Variants in GNPTAB observed in about 807,000 individuals in gnomAD.
GNPTAB encodes N-acetylglucosamine-1-phosphotransferase subunits alpha/beta.
Under a neutral mutation model 136.6 loss-of-function variants are expected in GNPTAB, and 92 were observed. The observed-to-expected ratio is 0.67, with a 90% CI of 0.57 to 0.80. GNPTAB has a LOEUF of 0.80. Ranked by LOEUF, GNPTAB falls within the 30% of genes least tolerant of loss-of-function variation. The probability of loss-of-function intolerance (pLI) is 0.00; values close to 1 mark genes in which losing one functional copy is unlikely to be tolerated. For missense variants in GNPTAB, 1,343 were observed against 1,501.8 expected (o/e 0.89, Z 1.75); for synonymous variants, 512 against 535.1 (o/e 0.96, Z 0.60).
rs560321171 is a variant in GNPTAB at position 101,763,267 on chromosome 12, T to C, written c.2715+935A>G. ...GGAAAGGAAAGAAAATGGGGGAAAC[T>C]GAGGAAATAAACATAGTCAAGAACA... On this transcript the variant is annotated intron_variant, in intron 13 of 20. Coordinates refer to ENST00000299314, the MANE Select transcript of GNPTAB (RefSeq NM_024312.5). Among the ~76,000 whole-genome samples the C allele has an allele frequency of 1.1e-4, 16 of 148,272 alleles. No individual in the cohort carries two copies. In the South Asian group the frequency reaches 3.0e-3, roughly 28 times the overall value.
intron 1 of GNPTAB, among the ~76,000 whole-genome samples, chr12:101,802,692 C>T (rs1164792057): frequency 2.0e-5 from 3 of 152,324 alleles, no homozygotes; most frequent in Admixed American, 6.5e-5. Flanking sequence ...AGGCTCCAGG[C>T]TGTATTTAAA....
chr12:101,770,914 C>T lies in GNPTAB; in HGVS notation c.933+82G>A, dbSNP rs555519008. On this transcript the variant is annotated intron_variant, in intron 8 of 20. Coordinates refer to ENST00000299314, the MANE Select transcript of GNPTAB (RefSeq NM_024312.5). ...AACTCACCTCTCTGTAAGTCCCCTT[C>T]CCTCTTCTAATATAGTAACTTACAC... is the stretch of plus-strand genomic sequence containing the variant. The T allele has an allele frequency of 6.4e-5, 85 of 1,332,482 alleles. 2 individuals are homozygous for T. The South Asian group carries it at 9.8e-4, about 15-fold the overall frequency. 82.5% of individuals were successfully genotyped at this position (1,332,482 alleles called of 1,614,324 possible).
intron 4 of GNPTAB, among the ~76,000 whole-genome samples, chr12:101,788,240 G>A (rs1166910205): frequency 6.6e-6 from 1 of 152,098 alleles, no homozygotes; most frequent in Non-Finnish European, 1.5e-5. Flanking sequence ...GAAAATACTG[G>A]GTAGAAGATA....
At chr12:101,769,125 T>A (rs190350038) in intron 10 of GNPTAB, among the ~76,000 whole-genome samples, 71 of 152,000 alleles carry the variant, frequency 4.7e-4, no homozygotes, top group Non-Finnish European at 8.7e-4. Context: ...CTTCTAAGTT[T>A]ACGGTGATAA....
chr12:101,793,999 GC>G (rs1474343738), intron 2 of GNPTAB, among the ~76,000 whole-genome samples: 1 of 151,972 alleles, frequency 6.6e-6, no homozygotes, highest in Non-Finnish European at 1.5e-5. Flanking sequence ...AACCACCACC[GC>G]CCTGGCTAAT....
intron 2 of GNPTAB, among the ~76,000 whole-genome samples, chr12:101,795,701 C>T (rs1228295499): frequency 2.6e-5 from 4 of 151,444 alleles, no homozygotes; most frequent in Middle Eastern, 3.4e-3. Flanking sequence ...TGCAGTGAGC[C>T]GAAATCGTGC....
At chr12:101,790,881 CTTTTT>C (rs577915488) in intron 2 of GNPTAB, among the ~76,000 whole-genome samples, 1 of 148,546 alleles carries the variant, frequency 6.7e-6, no homozygotes, top group South Asian at 2.1e-4. Context: ...TCTGCTTTTC[CTTTTT>C]TTTTTCACAG....
At chr12:101,773,161 C>T (rs994254727) in intron 7 of GNPTAB, 6 of 257,768 alleles carry the variant, frequency 2.3e-5, no homozygotes, top group Admixed American at 9.9e-5. Context: ...ATCACAGCTT[C>T]GTTATCAATT....
intron 18 of GNPTAB, 81 bp from the exon 19 acceptor site, chr12:101,753,620 T>C (rs1952855695): frequency 8.9e-7 from 1 of 1,127,146 alleles, no homozygotes. Flanking sequence ...ATTCCAAATA[T>C]ATTTTAAATG....
Position 101,765,230 on chromosome 12 carries a change from G to A in GNPTAB, c.1687C>T (p.Leu563=). The stretch of plus-strand genomic sequence containing the variant: ...ACTTCTGCAAAGCTGAAATAAGGCA[G>A]GCATTCACCTTTTGGAATAATATAG... ...THYIIPKGEC[L]PYFSFAEVAK... The change falls in exon 13 of 21, where the codon CTG becomes TTG. Residue 563 remains leucine (L), a synonymous_variant. Transcript: ENST00000299314. 1 of 1,613,928 alleles carries A rather than the reference G, an allele frequency of 6.2e-7. No individual in the cohort carries two copies. The highest frequency in any genetic ancestry group is 8.5e-7 in the Non-Finnish European group (1 of 1,179,870).
At chr12:101,824,434 T>TATATATATA (rs1566103110) in intron 1 of GNPTAB, among the ~76,000 whole-genome samples, 1 of 67,972 alleles carries the variant, frequency 1.5e-5, no homozygotes, top group Non-Finnish European at 2.7e-5. Flanking sequence ...ATATATATAT[T>TATATATATA]TTCTTTTTTT....
chr12:101,830,593 A>G lies in GNPTAB; in HGVS notation c.83T>C (p.Val28Ala), dbSNP rs1198649464. ...CTGGAAGGCGGAGACGATGGTGACA[A>G]CGACGCCCAAGAAGCACACGTAGAG... is the stretch of plus-strand genomic sequence containing the variant. ...YGLYVCFLGV[V>A]VTIVSAFQFG... The change falls in exon 1 of 21, where the codon GTT becomes GCT. Residue 28 changes from valine (V) to alanine (A), a missense_variant. Coordinates refer to ENST00000299314, the MANE Select transcript of GNPTAB (RefSeq NM_024312.5). 2 of 1,612,690 alleles carry G rather than the reference A, an allele frequency of 1.2e-6. No homozygotes were observed. Among genetic ancestry groups the G allele is most frequent in the Non-Finnish European group, 1.7e-6 (2 of 1,179,096 alleles).
chr12:101,779,425 T>G (rs1953307011), intron 7 of GNPTAB: 1 of 152,742 alleles, frequency 6.5e-6, no homozygotes, highest in Admixed American at 6.5e-5. Context: ...ATGTCCTAAG[T>G]CAATCAGATA....
chr12:101,764,112 G>C (rs1326285933), intron 13 of GNPTAB, 90 bp downstream of exon 13: 5 of 1,548,712 alleles, frequency 3.2e-6, no homozygotes, highest in Non-Finnish European at 4.4e-6. Context: ...GCACAGGGAA[G>C]TGCTGAATAA....
At position 101,786,007 on chromosome 12, in the gene GNPTAB, C is replaced by A. The variant is rs1350920642; in HGVS notation, c.571+5G>T. 1 of 1,595,894 alleles carries A rather than the reference C, an allele frequency of 6.3e-7. No individual in the cohort carries two copies. The highest frequency in any genetic ancestry group is 1.7e-5 in the Admixed American group (1 of 59,908). On this transcript the variant is annotated splice_donor_5th_base_variant and intron_variant, in intron 5 of 20. Coordinates refer to ENST00000299314, the MANE Select transcript of GNPTAB (RefSeq NM_024312.5). ...GATTTTAAAATATCCATAAAAAGAT[C>A]TTACCATCCTTAGTACTGTCAAAAA... is the stretch of plus-strand genomic sequence containing the variant.
intron 11 of GNPTAB, among the ~76,000 whole-genome samples, chr12:101,767,727 A>G (rs1161299268): frequency 6.6e-6 from 1 of 152,128 alleles, no homozygotes; most frequent in Non-Finnish European, 1.5e-5. Flanking sequence ...GGCTCAAATG[A>G]TCCTCTTGCC....
chr12:101,789,204 G>C (rs1461802919), intron 3 of GNPTAB, among the ~76,000 whole-genome samples: 1 of 152,204 alleles, frequency 6.6e-6, no homozygotes, highest in African/African-American at 2.4e-5. Flanking sequence ...CAGCGGGTTG[G>C]GGGAGGGGGT....
Position 101,764,278 on chromosome 12 carries a change from T to C in GNPTAB, c.2639A>G (p.Lys880Arg), listed in dbSNP as rs1173263842. The C allele has an allele frequency of 5.0e-6, 8 of 1,614,072 alleles. No homozygotes were observed. Among genetic ancestry groups the C allele is most frequent in the South Asian group, 1.1e-5 (1 of 91,070 alleles). ...IGVTEVLLGR[K>R]LQHYTDSYLG... ...GTAACTATCTGTGTAATGCTGCAGC[T>C]TTCTTCCAAGTAACACTTCAGTAAC... Residue 880 changes from lysine (K) to arginine (R), a missense_variant, in exon 13 of 21, where the codon AAG (lysine) becomes AGG (arginine). Transcript: ENST00000299314.
At position 101,777,935 on chromosome 12, in the gene GNPTAB, T is replaced by C. The variant is rs537748469; in HGVS notation, c.771+2217A>G. On this transcript the variant is annotated intron_variant, in intron 7 of 20. Transcript: ENST00000299314. ...ACCTTCAAAGAACATTATGTGTGATTAGCTTGATGCTCTGAGAGGTGTTGG... is the reference window on the plus strand; with the variant it reads ...ACCTTCAAAGAACATTATGTGTGATCAGCTTGATGCTCTGAGAGGTGTTGG... 3.1e-4 allele frequency among the ~76,000 whole-genome samples: 47 copies of C among 152,358 alleles called. 1 individual carries two copies. The highest frequency in any genetic ancestry group is 3.4e-3 in the Middle Eastern group (1 of 294).
Sources: allele counts gnomAD v4.1 joint callset (sites outside exome capture counted in the v4.1 genomes callset), GRCh38; gene constraint gnomAD v4.1.1; transcripts MANE v1.5; gene names NCBI Gene and HGNC (gene_info 2026-07-23, HGNC 2026-07-21).